ZNF789: variants seen among roughly 807,000 people sequenced by gnomAD.
The protein encoded by ZNF789 is zinc finger protein 789.
Under a neutral mutation model 15.6 loss-of-function variants are expected in ZNF789, and 11 were observed. The ratio of observed to expected loss-of-function variants is 0.70; its 90% CI spans 0.44 to 1.16. The LOEUF (loss-of-function observed/expected upper bound fraction) is 1.16, where lower values mean the gene tolerates loss of function less well. Among genes scored for constraint, ZNF789 ranks in the 50% most tolerant of loss-of-function variants. The pLI is 0.00. For missense variants in ZNF789, 461 were observed against 512.6 expected (o/e 0.90, Z 0.97); for synonymous variants, 159 against 176.0 (o/e 0.90, Z 0.76).
At chr7:99,485,482 A>G (rs1799884216) in intron 4 of ZNF789, 1 of 576,328 alleles carries the variant, frequency 1.7e-6, no homozygotes, top group Non-Finnish European at 3.1e-6. Context: ...TTCCTTTTCT[A>G]TGCTATCCTA....
chr7:99,476,239 C>T (rs1799327496), intron 1 of ZNF789, 164 bp from the exon 2 acceptor site: 5 of 546,510 alleles, frequency 9.1e-6, no homozygotes, highest in Non-Finnish European at 1.6e-5. Flanking sequence ...AATTACTAGA[C>T]TTATTGTAGC....
chr7:99,478,311 G>T, intron 2 of ZNF789: 4 of 1,289,690 alleles, frequency 3.1e-6, no homozygotes, highest in Non-Finnish European at 4.0e-6. Flanking sequence ...TCAGATTGAG[G>T]ACATGGCAGC....
intron 2 of ZNF789, chr7:99,479,127 A>G (rs779540383): frequency 6.6e-6 from 1 of 152,668 alleles, no homozygotes; most frequent in Non-Finnish European, 1.5e-5. Flanking sequence ...CATTGAGACT[A>G]TTCATCCCTT....
Position 99,487,428 on chromosome 7 carries a change from C to G in ZNF789, c.1218C>G (p.Phe406Leu), listed in dbSNP as rs760520508. The stretch of plus-strand genomic sequence containing the variant: ...AATGTGTCATATGTGGAAAATCTTT[C>G]AAGTGGCACACAAGCTTTATTAAGC... ...PYQCVICGKS[F>L]KWHTSFIKHQ... The change falls in exon 5 of 5, where the codon TTC (phenylalanine) becomes TTG (leucine). Residue 406 changes from phenylalanine (F) to leucine (L), a missense_variant. Phe to Leu is a conservative substitution (Grantham distance 22, BLOSUM62 0). Transcript: ENST00000331410. The G allele has an allele frequency of 1.2e-6, 2 of 1,614,202 alleles. No individual in the cohort carries two copies. The highest frequency in any genetic ancestry group is 2.2e-5 in the South Asian group (2 of 91,084).
At position 99,486,781 on chromosome 7, in the gene ZNF789, C is replaced by T. The variant is rs781589958; in HGVS notation, c.571C>T (p.His191Tyr). The T allele has an allele frequency of 6.2e-7, 1 of 1,614,178 alleles. No individual in the cohort carries two copies. Among genetic ancestry groups the T allele is most frequent in the Admixed American group, 1.7e-5 (1 of 60,014 alleles). The change falls in exon 5 of 5, where the codon CAT becomes TAT. Residue 191 changes from histidine to tyrosine, a missense_variant. His to Tyr is a moderately conservative substitution (Grantham distance 83, BLOSUM62 2). Coordinates refer to ENST00000331410, the MANE Select transcript of ZNF789 (RefSeq NM_213603.3). ...CAATCAAAGATCTTTGCTTTTGGGGCATGAGCGAATTCTCACAAGAGCAAA... is the reference window on the plus strand; with the variant it reads ...CAATCAAAGATCTTTGCTTTTGGGGTATGAGCGAATTCTCACAAGAGCAAA... ...PFNQRSLLLG[H>Y]ERILTRAKSY...
At chr7:99,476,291 G>T in intron 1 of ZNF789, 112 bp from the exon 2 acceptor site, 1 of 622,828 alleles carries the variant, frequency 1.6e-6, no homozygotes. Flanking sequence ...CAAACACAGG[G>T]ACTTTGTATT....
chr7:99,485,326 AGCCCT>A (rs1405208803), intron 4 of ZNF789: 1 of 1,038,640 alleles, frequency 9.6e-7, no homozygotes, highest in Non-Finnish European at 1.4e-6. Context: ...GTTGAGTAGC[AGCCCT>A]GGCCTGCATC....
At position 99,479,729 on chromosome 7, in the gene ZNF789, T is replaced by C; in HGVS notation, c.93T>C (p.Gly31=). The C allele has an allele frequency of 6.2e-7, 1 of 1,613,950 alleles. No homozygotes were observed. Among genetic ancestry groups the C allele is most frequent in the Non-Finnish European group, 8.5e-7 (1 of 1,179,940 alleles). Residue 31 remains glycine (G), a synonymous_variant, in exon 3 of 5, where the codon GGT becomes GGC. Transcript: ENST00000331410. ...AGGAGTGGGGCCACCTCAACTGGGG[T>C]CAGAAGGACCTCTACCGAGATGTGA... ...TREEWGHLNW[G]QKDLYRDVML... is the part of the protein sequence containing the mutation.
chr7:99,480,014 T>C lies in ZNF789; in HGVS notation c.151+227T>C, dbSNP rs577790100. ...ATTTTTCCAACTTGGTGTGCATATC[T>C]GTATACCCAACTTCAGAAATAACAG... On this transcript the variant is annotated intron_variant, in intron 3 of 4. Transcript: ENST00000331410. 9.7e-6 allele frequency: 5 copies of C among 515,904 alleles called. No homozygotes were observed. The South Asian group carries it at 2.0e-4, about 21-fold the overall frequency. 32.0% of individuals were successfully genotyped at this position (515,904 alleles called of 1,614,324 possible).
chr7:99,479,838 C>T lies in ZNF789; in HGVS notation c.151+51C>T, dbSNP rs543143982. The T allele has an allele frequency of 5.1e-6, 8 of 1,575,482 alleles. No homozygotes were observed. In the East Asian group the frequency reaches 9.2e-5, roughly 18 times the overall value. ...TTTGTCTGTGTTCTGAGTGTCTGTG[C>T]AAGCCCTTAGTCCCTTATCTGCAAT... On this transcript the variant is annotated intron_variant, in intron 3 of 4. Transcript: ENST00000331410.
At position 99,487,372 on chromosome 7, in the gene ZNF789, C is replaced by G. The variant is rs1322571877; in HGVS notation, c.1162C>G (p.Gln388Glu). Residue 388 changes from glutamine to glutamate, a missense_variant, in exon 5 of 5, where the codon CAG (glutamine) becomes GAG (glutamate). Gln to Glu is a conservative substitution (Grantham distance 29). Transcript: ENST00000331410. ...TTTTAAGAGGAATCTTTTTCGACAT[C>G]AGGTCATTCACACTGGAAGCCAACC... is the stretch of plus-strand genomic sequence containing the variant. ...FSFKRNLFRHQVIHTGSQPYQ... is the reference protein window; with the variant it reads ...FSFKRNLFRHEVIHTGSQPYQ... 6.2e-7 allele frequency: 1 copy of G among 1,614,196 alleles called. No individual in the cohort carries two copies. Among genetic ancestry groups the G allele is most frequent in the South Asian group, 1.1e-5 (1 of 91,080 alleles).
intron 2 of ZNF789, 113 bp from the exon 3 acceptor site, chr7:99,479,548 G>T: frequency 7.7e-7 from 1 of 1,292,184 alleles, no homozygotes; most frequent in South Asian, 1.7e-5. Flanking sequence ...TATGAATTGG[G>T]TGCCCTTGGC....
intron 1 of ZNF789, among the ~76,000 whole-genome samples, chr7:99,473,871 G>A (rs547865475): frequency 1.3e-5 from 2 of 151,992 alleles, no homozygotes; most frequent in East Asian, 3.9e-4. Flanking sequence ...CGCCCGCCTC[G>A]GCCTCCCAAA....
At chr7:99,485,428 C>T in intron 4 of ZNF789, 1 of 634,632 alleles carries the variant, frequency 1.6e-6, no homozygotes, top group South Asian at 1.8e-5. Flanking sequence ...CTAGTTGAGA[C>T]CCATTGCTCT....
At chr7:99,484,875 G>C (rs1262949388) in intron 4 of ZNF789, among the ~76,000 whole-genome samples, 1 of 152,094 alleles carries the variant, frequency 6.6e-6, no homozygotes, top group Non-Finnish European at 1.5e-5. Context: ...GTTGCAGTGA[G>C]CTGAGATTAC....
chr7:99,476,216 C>T, intron 1 of ZNF789, 187 bp from the exon 2 acceptor site: 1 of 517,532 alleles, frequency 1.9e-6, no homozygotes, highest in East Asian at 3.6e-5. Flanking sequence ...TTGGATGGAG[C>T]TTGGGAAATT....
chr7:99,485,166 CTGACA>C lies in ZNF789; in HGVS notation c.265+1025_265+1029del, dbSNP rs368402613. The C allele has an allele frequency of 1.2e-4, 187 of 1,535,024 alleles. No individual in the cohort carries two copies. In the East Asian group the frequency reaches 3.7e-3, roughly 30 times the overall value. On this transcript the variant is annotated intron_variant, in intron 4 of 4. Coordinates refer to ENST00000331410, the MANE Select transcript of ZNF789 (RefSeq NM_213603.3). Reference sequence around the variant, plus strand: ...TGTTTTCATATTACTCCCGTATTTCCTGACATATCTGCATTTTTCTACTTACTGTG... The same window carrying C: ...TGTTTTCATATTACTCCCGTATTTCCTATCTGCATTTTTCTACTTACTGTG...
In ZNF789 at chr7:99,487,553, C is replaced by T. The variant is rs189879181; in HGVS notation, c.*65C>T. The T allele has an allele frequency of 2.9e-4, 433 of 1,512,224 alleles. 4 individuals are homozygous for T. Among genetic ancestry groups the T allele is most frequent in the Non-Finnish European group, 5.6e-5 (63 of 1,125,390 alleles). The allele number at this position is 1,512,224 out of a possible 1,614,324, so 93.7% of individuals were successfully genotyped here. A position where few individuals can be genotyped will look rare whatever the true frequency, so the allele number is the denominator to read the frequency against. ...AAACCTCTACTTCAAGTGTGTATCA[C>T]GTAATTGTTTCCATGAAAAGCAATA... On this transcript the variant is annotated 3_prime_UTR_variant, in exon 5 of 5. Coordinates refer to ENST00000331410, the MANE Select transcript of ZNF789 (RefSeq NM_213603.3).
chr7:99,478,493 G>C lies in ZNF789; in HGVS notation c.25-1168G>C, dbSNP rs527470902. The C allele has an allele frequency of 1.9e-3, 1,238 of 653,718 alleles. 5 individuals are homozygous for C. Among genetic ancestry groups the C allele is most frequent in the Middle Eastern group, 4.0e-3 (8 of 1,992 alleles). The allele number at this position is 653,718 out of a possible 1,614,324, so 40.5% of individuals were successfully genotyped here. A position where few individuals can be genotyped will look rare whatever the true frequency, so the allele number is the denominator to read the frequency against. On this transcript the variant is annotated intron_variant, in intron 2 of 4. Transcript: ENST00000331410. ...AGCTTCTCAGGATGGTCTCAGGATG[G>C]GGGTGGGCATTTCCTGTTACTGACC...
Sources: gnomAD v4.1 joint callset for allele counts (sites outside exome capture counted in the v4.1 genomes callset) on GRCh38, gnomAD v4.1.1 for gene constraint, MANE v1.5 for transcripts, NCBI Gene and HGNC (gene_info 2026-07-23, HGNC 2026-07-21) for gene names.